The following AMPH variants were observed in gnomAD, a reference collection of about 807,000 sequenced individuals.
The protein encoded by AMPH is amphiphysin (Stiff-Mann syndrome with breast cancer 128kD autoantigen).
A neutral mutation model predicts 99.1 loss-of-function variants in AMPH; 49 were observed. The observed-to-expected ratio is 0.49, with a 90% CI of 0.39 to 0.63. The LOEUF (loss-of-function observed/expected upper bound fraction) is 0.63, where lower values mean the gene tolerates loss of function less well. Ranked by LOEUF, AMPH falls within the 20% of genes least tolerant of loss-of-function variation. AMPH has a pLI of 0.00. For missense variants in AMPH, 759 were observed against 863.4 expected, an observed-to-expected ratio of 0.88 and a Z score of 1.52; for synonymous variants, 314 against 317.3, an observed-to-expected ratio of 0.99 and a Z score of 0.11.
chr7:38,531,673 G>A (rs1168377814), intron 2 of AMPH, among the ~76,000 whole-genome samples: 1 of 152,104 alleles, frequency 6.6e-6, no homozygotes, highest in Non-Finnish European at 1.5e-5. Context: ...ATAAATGTTT[G>A]AATAATTCTA....
intron 20 of AMPH, among the ~76,000 whole-genome samples, chr7:38,386,503 TTA>T (rs1418690280): frequency 1.3e-5 from 2 of 152,200 alleles, no homozygotes; most frequent in African/African-American, 4.8e-5. Context: ...ACATCAATCT[TTA>T]GCTGAGGAAA....
chr7:38,614,331 T>C (rs1372683063), intron 1 of AMPH, among the ~76,000 whole-genome samples: 1 of 152,226 alleles, frequency 6.6e-6, no homozygotes, highest in Non-Finnish European at 1.5e-5. Context: ...GCAGTTTCCA[T>C]GATGGATCAT....
chr7:38,614,214 A>G (rs1209134688), intron 1 of AMPH, among the ~76,000 whole-genome samples: 1 of 152,220 alleles, frequency 6.6e-6, no homozygotes, highest in East Asian at 1.9e-4. Flanking sequence ...TATCCCAGCA[A>G]AAGTTGGAAT....
intron 2 of AMPH, among the ~76,000 whole-genome samples, chr7:38,514,212 T>C (rs1789650503): frequency 6.6e-6 from 1 of 152,168 alleles, no homozygotes; most frequent in Non-Finnish European, 1.5e-5. Flanking sequence ...TTCACTGAAG[T>C]TTCTGGAATA....
chr7:38,400,148 T>G (rs1350550867), intron 17 of AMPH, among the ~76,000 whole-genome samples: 2 of 152,196 alleles, frequency 1.3e-5, no homozygotes, highest in Admixed American at 1.3e-4. Flanking sequence ...TGATCTTGGC[T>G]CACTGCAACC....
chr7:38,602,389 T>C (rs2129061815), intron 1 of AMPH, among the ~76,000 whole-genome samples: 1 of 152,348 alleles, frequency 6.6e-6, no homozygotes, highest in Non-Finnish European at 1.5e-5. Context: ...AAATGAGTCT[T>C]ACCAGGCTAA....
At chr7:38,468,607 T>C (rs1787757150) in intron 7 of AMPH, among the ~76,000 whole-genome samples, 1 of 152,232 alleles carries the variant, frequency 6.6e-6, no homozygotes, top group Non-Finnish European at 1.5e-5. Flanking sequence ...TAGGATAAAG[T>C]GTCCAACATT....
At chr7:38,564,903 T>A (rs1259635594) in intron 1 of AMPH, among the ~76,000 whole-genome samples, 4 of 152,082 alleles carry the variant, frequency 2.6e-5, no homozygotes, top group Admixed American at 6.5e-5. Flanking sequence ...GGTGGGTGGA[T>A]CACGAGGTCA....
At chr7:38,482,626 T>A (rs1304272577) in intron 5 of AMPH, among the ~76,000 whole-genome samples, 1 of 152,166 alleles carries the variant, frequency 6.6e-6, no homozygotes, top group Non-Finnish European at 1.5e-5. Context: ...ATTTTATTAA[T>A]GATACTAAGT....
intron 3 of AMPH, among the ~76,000 whole-genome samples, chr7:38,495,870 TAGTCTCTCCCA>T (rs1481866719): frequency 6.6e-6 from 1 of 152,166 alleles, no homozygotes; most frequent in East Asian, 1.9e-4. Flanking sequence ...CCAGTCCTTT[TAGTCTCTCCCA>T]AGGACCCCCT....
chr7:38,484,842 G>T (rs376021326), intron 5 of AMPH, among the ~76,000 whole-genome samples: 8 of 151,818 alleles, frequency 5.3e-5, no homozygotes, highest in South Asian at 2.1e-4. Context: ...ACAATATAAA[G>T]TATACATGTG....
At chr7:38,618,925 A>G (rs1793962459) in intron 1 of AMPH, among the ~76,000 whole-genome samples, 1 of 152,254 alleles carries the variant, frequency 6.6e-6, no homozygotes, top group Admixed American at 6.5e-5. Flanking sequence ...TCCAATTAAA[A>G]GGCAGAGATT....
chr7:38,422,578 C>T (rs1444945579), intron 15 of AMPH, 101 bp from the exon 16 acceptor site: 1 of 762,622 alleles, frequency 1.3e-6, no homozygotes. Flanking sequence ...ATCTATCTAT[C>T]TATCTATCTA....
chr7:38,511,170 T>G (rs1789525346), intron 2 of AMPH, among the ~76,000 whole-genome samples: 1 of 152,146 alleles, frequency 6.6e-6, no homozygotes, highest in African/African-American at 2.4e-5. Context: ...TATCATGCAC[T>G]CAGGAAATGC....
chr7:38,472,537 A>G (rs1787923512), intron 7 of AMPH, among the ~76,000 whole-genome samples: 1 of 152,200 alleles, frequency 6.6e-6, no homozygotes, highest in Non-Finnish European at 1.5e-5. Flanking sequence ...ATTAGAGGTT[A>G]TACATGTAAA....
chr7:38,485,986 G>T (rs748120065), intron 5 of AMPH, among the ~76,000 whole-genome samples: 3 of 151,690 alleles, frequency 2.0e-5, no homozygotes, highest in African/African-American at 7.3e-5. Flanking sequence ...AGTGATAAAC[G>T]CATACATTAA....
chr7:38,555,964 C>T (rs1025830604), intron 1 of AMPH, among the ~76,000 whole-genome samples: 2 of 152,092 alleles, frequency 1.3e-5, no homozygotes, highest in African/African-American at 4.8e-5. Context: ...ACTCCTAGAG[C>T]TTGTGGGGAA....
intron 1 of AMPH, among the ~76,000 whole-genome samples, chr7:38,619,711 T>C (rs1453492807): frequency 6.6e-6 from 1 of 152,186 alleles, no homozygotes; most frequent in East Asian, 1.9e-4. Flanking sequence ...CTGTCTATGC[T>C]TAACAGGAAC....
At chr7:38,509,828 T>C (rs1789471556) in intron 2 of AMPH, among the ~76,000 whole-genome samples, 1 of 152,220 alleles carries the variant, frequency 6.6e-6, no homozygotes. Context: ...CCACTTCCAG[T>C]AGCAACTCCT....
Sources: gnomAD v4.1 joint callset for allele counts (sites outside exome capture counted in the v4.1 genomes callset) on GRCh38, gnomAD v4.1.1 for gene constraint, MANE v1.5 for transcripts, NCBI Gene and HGNC (gene_info 2026-07-23, HGNC 2026-07-21) for gene names.